TIPIN: variants seen among roughly 807,000 people sequenced by gnomAD.
The protein encoded by TIPIN is TIMELESS-interacting protein.
In TIPIN, 29 loss-of-function variants were observed where a neutral mutation model predicts 35.6. That is an observed-to-expected ratio of 0.82 (90% confidence interval 0.61 to 1.11). The LOEUF (loss-of-function observed/expected upper bound fraction) is 1.11, where lower values mean the gene tolerates loss of function less well. Ranked by LOEUF, TIPIN falls within the 50% of genes most tolerant of loss-of-function variation. TIPIN has a pLI of 0.00. For missense variants in TIPIN, 296 were observed against 345.4 expected (o/e 0.86, Z 1.13); for synonymous variants, 102 against 121.5 (o/e 0.84, Z 1.06).
At chr15:66,385,633 C>G (rs1359119269) in intron 1 of TIPIN, among the ~76,000 whole-genome samples, 2 of 151,956 alleles carry the variant, frequency 1.3e-5, no homozygotes, top group Non-Finnish European at 2.9e-5. Flanking sequence ...GGATTACAGG[C>G]ACCCGCCACC....
intron 1 of TIPIN, among the ~76,000 whole-genome samples, chr15:66,364,167 T>C (rs1229355456): frequency 7.3e-6 from 1 of 137,162 alleles, no homozygotes; most frequent in Admixed American, 7.2e-5. Flanking sequence ...TCTTTTTTTT[T>C]TTTTTTTTTT....
chr15:66,381,653 ATTC>A (rs2093319061), intron 1 of TIPIN, among the ~76,000 whole-genome samples: 1 of 152,188 alleles, frequency 6.6e-6, no homozygotes. Context: ...TATGTTGATC[ATTC>A]TTCTGTATAG....
At chr15:66,343,533 C>G (rs2093102718) in intron 6 of TIPIN, among the ~76,000 whole-genome samples, 1 of 152,146 alleles carries the variant, frequency 6.6e-6, no homozygotes, top group African/African-American at 2.4e-5. Flanking sequence ...CCTTTACAAT[C>G]AAACTCCCTT....
intron 1 of TIPIN, among the ~76,000 whole-genome samples, chr15:66,385,648 C>T (rs1048112733): frequency 6.6e-6 from 1 of 152,070 alleles, no homozygotes; most frequent in African/African-American, 2.4e-5. Context: ...GCCACCACGC[C>T]CAGCTAATTT....
chr15:66,363,991 A>C (rs1427355180), intron 1 of TIPIN, among the ~76,000 whole-genome samples: 3 of 151,698 alleles, frequency 2.0e-5, no homozygotes, highest in Admixed American at 6.6e-5. Context: ...TCAAAAAAAA[A>C]CAAAAAACAA....
intron 1 of TIPIN, among the ~76,000 whole-genome samples, chr15:66,376,748 A>G (rs2093298360): frequency 2.0e-5 from 3 of 151,902 alleles, no homozygotes; most frequent in Non-Finnish European, 2.9e-5. Context: ...ATAATTTCTA[A>G]GGAAAAATTA....
Position 66,356,666 on chromosome 15 carries a change from C to A in TIPIN, c.-36G>T. On this transcript the variant is annotated 5_prime_UTR_variant, in exon 1 of 8. Transcript: ENST00000261881. ...CACGCAGAAAACACGGGACACAGCGCGGACCTCGGCGTGCAGACTAAGCGC... is the reference window on the plus strand; with the variant it reads ...CACGCAGAAAACACGGGACACAGCGAGGACCTCGGCGTGCAGACTAAGCGC... The A allele has an allele frequency of 2.0e-6, 2 of 985,660 alleles. No individual in the cohort carries two copies. Among genetic ancestry groups the A allele is most frequent in the Non-Finnish European group, 1.2e-6 (1 of 830,118 alleles). 61.1% of individuals were successfully genotyped at this position (985,660 alleles called of 1,614,324 possible). A position where few individuals can be genotyped will look rare whatever the true frequency, so the allele number is the denominator to read the frequency against.
At position 66,352,225 on chromosome 15, in the gene TIPIN, G is replaced by A. The variant is rs9806130; in HGVS notation, c.134-18C>T. On this transcript the variant is annotated intron_variant, in intron 2 of 7. Coordinates refer to ENST00000261881, the MANE Select transcript of TIPIN (RefSeq NM_017858.3). Reference sequence around the variant, plus strand: ...TCCTGACTCTGGTGAAACAAACCACGATTCAGTATTACTGTACTTAAATGA... The same window carrying A: ...TCCTGACTCTGGTGAAACAAACCACAATTCAGTATTACTGTACTTAAATGA... The A allele has an allele frequency of 0.18, 282,994 of 1,532,486 alleles. 27,782 individuals carry two copies. Among genetic ancestry groups the A allele is most frequent in the East Asian group, 0.41 (18,076 of 44,304 alleles). 94.9% of individuals were successfully genotyped at this position (1,532,486 alleles called of 1,614,324 possible).
chr15:66,348,007 TC>T (rs1455960777), intron 6 of TIPIN, among the ~76,000 whole-genome samples: 1 of 33,766 alleles, frequency 3.0e-5, no homozygotes, highest in Non-Finnish European at 6.4e-5. Context: ...ATTCTTTCTT[TC>T]TTTTTTTTTT....
chr15:66,355,926 T>C (rs2093201603), intron 1 of TIPIN, among the ~76,000 whole-genome samples: 1 of 152,110 alleles, frequency 6.6e-6, no homozygotes, highest in Non-Finnish European at 1.5e-5. Context: ...GTGGGGCTTG[T>C]CAGGAAACTG....
chr15:66,357,407 A>G, upstream of TIPIN, among the ~76,000 whole-genome samples: 1 of 152,096 alleles, frequency 6.6e-6, no homozygotes, highest in East Asian at 1.9e-4. Flanking sequence ...GAGGTGGTAA[A>G]GAGAGGAAAA....
chr15:66,349,061 A>T lies in TIPIN; in HGVS notation c.474T>A (p.Asn158Lys). 6.2e-7 allele frequency: 1 copy of T among 1,608,184 alleles called. No individual in the cohort carries two copies. The highest frequency in any genetic ancestry group is 1.3e-5 in the African/African-American group (1 of 74,966). Residue 158 changes from asparagine (N) to lysine (K), a missense_variant and splice_region_variant, in exon 6 of 8, where the codon AAT becomes AAA. Coordinates refer to ENST00000261881, the MANE Select transcript of TIPIN (RefSeq NM_017858.3). ...AAGTAGATAAACCTATATTCTTACC[A>T]TTATTGCTAACAAAATCTTCATGTA... The part of the protein sequence containing the change: ...PILHEDFVSN[N>K]DEVAENNEHD...
At position 66,349,117 on chromosome 15, in the gene TIPIN, A is replaced by C. The variant is rs774962377; in HGVS notation, c.418T>G (p.Leu140Val). 1 of 1,610,924 alleles carries C rather than the reference A, an allele frequency of 6.2e-7. No individual in the cohort carries two copies. The highest frequency in any genetic ancestry group is 1.7e-5 in the Admixed American group (1 of 59,956). The change falls in exon 6 of 8, where the codon TTA becomes GTA. Residue 140 changes from leucine to valine, a missense_variant. Transcript: ENST00000261881. ...LGSKKEVQTC[L>V]KRIRLDLPIL... ...GGGAGATCAAGTCGAATTCGTTTTAAACAGGTCTGAAAATGAAAAGAGATT... is the reference window on the plus strand; with the variant it reads ...GGGAGATCAAGTCGAATTCGTTTTACACAGGTCTGAAAATGAAAAGAGATT...
At chr15:66,359,240 G>A (rs1012383982), upstream of TIPIN, among the ~76,000 whole-genome samples, 4 of 151,894 alleles carry the variant, frequency 2.6e-5, no homozygotes, top group African/African-American at 4.8e-5. Context: ...AAAATTATGT[G>A]TGCACATGTA....
chr15:66,376,117 CA>C (rs1447845466), intron 1 of TIPIN, among the ~76,000 whole-genome samples: 1 of 151,440 alleles, frequency 6.6e-6, no homozygotes, highest in Non-Finnish European at 1.5e-5. Flanking sequence ...CCCACAAAAC[CA>C]AATATATCCT....
At chr15:66,382,506 C>G (rs888938848) in intron 1 of TIPIN, among the ~76,000 whole-genome samples, 3 of 152,192 alleles carry the variant, frequency 2.0e-5, no homozygotes, top group Admixed American at 2.0e-4. Flanking sequence ...TCCAGAGTAG[C>G]TGGGACTGCA....
Position 66,342,092 on chromosome 15 carries a change from G to A in TIPIN, c.476-736C>T, listed in dbSNP as rs1268610167. On this transcript the variant is annotated intron_variant, in intron 6 of 7. Transcript: ENST00000261881. ...CCAGCTACTCAGGAGGCTGAGGCAGGAGAATTGCTTGAACCGGGACCCGGG... is the reference window on the plus strand; with the variant it reads ...CCAGCTACTCAGGAGGCTGAGGCAGAAGAATTGCTTGAACCGGGACCCGGG... Among the ~76,000 whole-genome samples the A allele has an allele frequency of 2.7e-5, 4 of 150,444 alleles. 1 individual carries two copies. The highest frequency in any genetic ancestry group is 1.3e-4 in the Admixed American group (2 of 14,932).
chr15:66,386,248 C>T (rs8023820), intron 1 of TIPIN, among the ~76,000 whole-genome samples: 6,270 of 151,224 alleles, frequency 0.041, 316 homozygotes, highest in African/African-American at 0.11. Flanking sequence ...GCGGAGATCG[C>T]GCCACTACAC....
chr15:66,352,938 G>A lies in TIPIN; in HGVS notation c.10C>T (p.Pro4Ser). MLE[P>S]QENGVIDLPD... The stretch of plus-strand genomic sequence containing the variant: ...AGGTCAATCACGCCATTCTCCTGTG[G>A]TTCTAGCATCTTTTCCTCTAGGGGA... Residue 4 changes from proline to serine, a missense_variant, in exon 2 of 8, where the codon CCA (proline) becomes TCA (serine). Transcript: ENST00000261881. 6.2e-7 allele frequency: 1 copy of A among 1,612,800 alleles called. No homozygotes were observed. The highest frequency in any genetic ancestry group is 8.5e-7 in the Non-Finnish European group (1 of 1,179,624).
Sources: allele counts gnomAD v4.1 joint callset (sites outside exome capture counted in the v4.1 genomes callset), GRCh38; gene constraint gnomAD v4.1.1; transcripts MANE v1.5; gene names NCBI Gene and HGNC (gene_info 2026-07-23, HGNC 2026-07-21).